PXDNL: variants seen among roughly 807,000 people sequenced by gnomAD.
PXDNL encodes peroxidasin like.
A neutral mutation model predicts 150.8 loss-of-function variants in PXDNL; 145 were observed. The observed-to-expected ratio is 0.96, with a 90% CI of 0.84 to 1.10. The LOEUF (loss-of-function observed/expected upper bound fraction) is 1.10. PXDNL is among the 50% of genes least tolerant of loss of function. The pLI is 0.00. For synonymous variants in PXDNL, 757 were observed against 725.7 expected (o/e 1.04, Z -0.69); for missense variants, 2,087 against 1,873.9 (o/e 1.11, Z -2.10).
At chr8:51,403,095 A>T (rs1419932754) in intron 17 of PXDNL, among the ~76,000 whole-genome samples, 1 of 150,280 alleles carries the variant, frequency 6.7e-6, no homozygotes, top group African/African-American at 2.4e-5. Context: ...CTCCAAAAAA[A>T]AAAAAAAAGA....
chr8:51,455,657 C>T (rs1482874455), intron 9 of PXDNL, among the ~76,000 whole-genome samples: 1 of 152,080 alleles, frequency 6.6e-6, no homozygotes, highest in Non-Finnish European at 1.5e-5. Context: ...AAGAGGAAGT[C>T]GTGTTCTCAA....
At chr8:51,740,116 T>C in intron 1 of PXDNL, among the ~76,000 whole-genome samples, 1 of 151,990 alleles carries the variant, frequency 6.6e-6, no homozygotes, top group East Asian at 1.9e-4. Flanking sequence ...AAGATGTTAC[T>C]ACGTCCCAAA....
intron 1 of PXDNL, among the ~76,000 whole-genome samples, chr8:51,723,739 T>A (rs1047228038): frequency 2.0e-5 from 3 of 152,016 alleles, no homozygotes; most frequent in African/African-American, 7.3e-5. Flanking sequence ...CTGAGCGAGG[T>A]GGGGCTGTTT....
chr8:51,322,270 T>C (rs1805345526), intron 21 of PXDNL, among the ~76,000 whole-genome samples: 1 of 152,000 alleles, frequency 6.6e-6, no homozygotes, highest in South Asian at 2.1e-4. Context: ...ATTTGAGCTG[T>C]GAGAGATGAC....
chr8:51,696,804 TTCAC>T (rs1302470140), intron 1 of PXDNL, among the ~76,000 whole-genome samples: 3 of 1,338 alleles, frequency 2.2e-3, no homozygotes, highest in African/African-American at 2.7e-3. Flanking sequence ...CACATAGGTC[TTCAC>T]ACACACACAC....
intron 17 of PXDNL, among the ~76,000 whole-genome samples, chr8:51,389,796 CTTA>C (rs904588590): frequency 1.3e-5 from 2 of 152,054 alleles, no homozygotes; most frequent in Admixed American, 1.3e-4. Flanking sequence ...TTTTACTGAA[CTTA>C]TTATTTGCCA....
At chr8:51,637,888 A>T (rs1814642404) in intron 2 of PXDNL, among the ~76,000 whole-genome samples, 2 of 152,298 alleles carry the variant, frequency 1.3e-5, no homozygotes, top group South Asian at 4.1e-4. Flanking sequence ...CAACTCCAAG[A>T]CATATAATTG....
intron 14 of PXDNL, among the ~76,000 whole-genome samples, chr8:51,417,034 A>C (rs964366885): frequency 6.6e-6 from 1 of 152,194 alleles, no homozygotes; most frequent in African/African-American, 2.4e-5. Context: ...ATATTTTTAT[A>C]AATTTCTTTA....
At chr8:51,614,172 G>T (rs10105672) in intron 2 of PXDNL, among the ~76,000 whole-genome samples, 11,893 of 152,250 alleles carry the variant, frequency 0.078, 600 homozygotes, top group African/African-American at 0.13. Context: ...AGATCAGTCA[G>T]CACCAGTCAT....
chr8:51,324,760 T>A (rs67152383), intron 21 of PXDNL, among the ~76,000 whole-genome samples: 35,165 of 152,192 alleles, frequency 0.23, 4,210 homozygotes, highest in Middle Eastern at 0.31. Flanking sequence ...TAGTTTTCAG[T>A]TCCAAAATCT....
intron 1 of PXDNL, among the ~76,000 whole-genome samples, chr8:51,660,647 T>C (rs1401182453): frequency 3.3e-5 from 5 of 152,054 alleles, no homozygotes; most frequent in South Asian, 2.1e-4. Context: ...AGCATTCCTA[T>C]TGAAGGTAAG....
intron 17 of PXDNL, among the ~76,000 whole-genome samples, chr8:51,382,080 G>A (rs779150148): frequency 1.1e-3 from 170 of 152,144 alleles, no homozygotes; most frequent in Admixed American, 2.0e-3. Flanking sequence ...CTTGTGATCT[G>A]CCCGCCTTGG....
intron 1 of PXDNL, chr8:51,721,814 A>G: frequency 3.0e-6 from 1 of 330,786 alleles, no homozygotes; most frequent in South Asian, 3.1e-5. Context: ...GCCTCCTTAA[A>G]CTAGTCAGTC....
At position 51,411,277 on chromosome 8, in the gene PXDNL, C is replaced by A; in HGVS notation, c.2035G>T (p.Gly679Trp). 1 of 1,520,122 alleles carries A rather than the reference C, an allele frequency of 6.6e-7. No individual in the cohort carries two copies. Among genetic ancestry groups the A allele is most frequent in the African/African-American group, 1.4e-5 (1 of 70,664 alleles). 94.2% of individuals were successfully genotyped at this position (1,520,122 alleles called of 1,614,324 possible). The change falls in exon 16 of 23, where the codon GGG (glycine) becomes TGG (tryptophan). Residue 679 changes from glycine to tryptophan, a missense_variant. Gly to Trp is a radical substitution (Grantham distance 184). Transcript: ENST00000356297. Reference protein sequence around the residue: ...LQLIRERVKQGLTVDLEGKEF... With the variant: ...LQLIRERVKQWLTVDLEGKEF... The stretch of plus-strand genomic sequence containing the variant: ...TTGCCTTCCAAGTCCACAGTGAGCC[C>A]CTGCTTCACACGTTCCCGTATCAGC...
chr8:51,437,204 T>TA (rs1563411826), intron 12 of PXDNL, among the ~76,000 whole-genome samples: 2 of 152,198 alleles, frequency 1.3e-5, no homozygotes, highest in African/African-American at 4.8e-5. Flanking sequence ...AACACAGTAA[T>TA]AAAAAATTTG....
chr8:51,584,493 G>A (rs1023661444), intron 3 of PXDNL, among the ~76,000 whole-genome samples: 3 of 152,168 alleles, frequency 2.0e-5, no homozygotes, highest in Non-Finnish European at 4.4e-5. Context: ...AAACCTTACA[G>A]GTTTGTTGCA....
intron 4 of PXDNL, among the ~76,000 whole-genome samples, chr8:51,533,496 CCTCCCCCTCCCT>C (rs2130442054): frequency 7.8e-6 from 1 of 127,730 alleles, no homozygotes; most frequent in East Asian, 2.5e-4. Flanking sequence ...TCCCCCTCCC[CCTCCCCCTCCCT>C]CTCCCTCTCC....
chr8:51,357,834 T>C (rs960605624), intron 19 of PXDNL, among the ~76,000 whole-genome samples: 2 of 152,174 alleles, frequency 1.3e-5, no homozygotes, highest in African/African-American at 4.8e-5. Flanking sequence ...TCTGTCAATA[T>C]CCACAACATA....
At chr8:51,578,617 A>C (rs1280619090) in intron 3 of PXDNL, among the ~76,000 whole-genome samples, 2 of 151,976 alleles carry the variant, frequency 1.3e-5, no homozygotes, top group Non-Finnish European at 2.9e-5. Flanking sequence ...TGTAGACAAA[A>C]TTATTTTATG....
Sources: allele counts gnomAD v4.1 joint callset (sites outside exome capture counted in the v4.1 genomes callset), GRCh38; gene constraint gnomAD v4.1.1; transcripts MANE v1.5; gene names NCBI Gene and HGNC (gene_info 2026-07-23, HGNC 2026-07-21).